Variants in LUZP2 observed in about 807,000 individuals in gnomAD.
The protein encoded by LUZP2 is leucine zipper protein 2.
LUZP2 carries 52 observed loss-of-function variants against 51.6 expected under a neutral mutation model. That is an observed-to-expected ratio of 1.01 (90% CI 0.81 to 1.27). The LOEUF is 1.27. LUZP2 is among the 50% of genes most tolerant of loss of function. The pLI is 0.00. For missense variants in LUZP2, 436 were observed against 395.4 expected (o/e 1.10, Z -0.87); for synonymous variants, 154 against 137.3 (o/e 1.12, Z -0.85).
intron 9 of LUZP2, among the ~76,000 whole-genome samples, chr11:24,995,732 T>A (rs1316558992): frequency 6.6e-6 from 1 of 152,092 alleles, no homozygotes; most frequent in African/African-American, 2.4e-5. Flanking sequence ...TATCTCTGAA[T>A]GCTTTAAATT....
intron 1 of LUZP2, among the ~76,000 whole-genome samples, chr11:24,581,827 G>T (rs1852867027): frequency 6.6e-6 from 1 of 151,994 alleles, no homozygotes; most frequent in Admixed American, 6.6e-5. Context: ...AAAGTTAGCA[G>T]TTATGTGCTA....
intron 1 of LUZP2, among the ~76,000 whole-genome samples, chr11:24,505,952 A>G (rs1850134484): frequency 6.7e-6 from 1 of 149,308 alleles, no homozygotes; most frequent in African/African-American, 2.5e-5. Flanking sequence ...TTATATTTCC[A>G]TATTAATTAT....
rs184456520 is a variant in LUZP2, at chr11:24,788,823, C to T, written c.396+25515C>T. Among the ~76,000 whole-genome samples the T allele has an allele frequency of 3.3e-5, 5 of 152,138 alleles. No homozygotes were observed. In the East Asian group the frequency reaches 9.7e-4, roughly 30 times the overall value. On this transcript the variant is annotated intron_variant, in intron 5 of 11. Coordinates refer to ENST00000336930, the MANE Select transcript of LUZP2 (RefSeq NM_001009909.4). ...TTCCCTCTTGCTCTTGCTCTTGCTC[C>T]AGGAAAGTCTGTCTTTTGTTCTATT...
At chr11:24,665,451 A>G (rs1221179546) in intron 1 of LUZP2, among the ~76,000 whole-genome samples, 1 of 152,128 alleles carries the variant, frequency 6.6e-6, no homozygotes, top group Non-Finnish European at 1.5e-5. Context: ...AAAGGACAGA[A>G]TTGTGTTTTG....
intron 1 of LUZP2, among the ~76,000 whole-genome samples, chr11:24,548,375 C>CA (rs1030458919): frequency 2.6e-5 from 4 of 151,954 alleles, no homozygotes; most frequent in South Asian, 2.1e-4. Flanking sequence ...CAGCCAGCAA[C>CA]AAAAAATGAG....
At chr11:25,041,209 C>G (rs535875138) in intron 9 of LUZP2, among the ~76,000 whole-genome samples, 1 of 152,102 alleles carries the variant, frequency 6.6e-6, no homozygotes, top group Admixed American at 6.6e-5. Context: ...AGTATTGAAT[C>G]CTCTATACGC....
At chr11:24,698,363 T>A (rs1050907288) in intron 1 of LUZP2, among the ~76,000 whole-genome samples, 1 of 152,212 alleles carries the variant, frequency 6.6e-6, no homozygotes, top group Admixed American at 6.5e-5. Context: ...TGCTAGGACC[T>A]TTGTTCCTAA....
chr11:25,035,532 C>G (rs957235797), intron 9 of LUZP2, among the ~76,000 whole-genome samples: 1 of 151,838 alleles, frequency 6.6e-6, no homozygotes, highest in African/African-American at 2.4e-5. Flanking sequence ...GAAAAAAAAC[C>G]AGGTATGACA....
At chr11:24,727,903 A>T (rs752158801) in intron 1 of LUZP2, among the ~76,000 whole-genome samples, 9 of 152,014 alleles carry the variant, frequency 5.9e-5, no homozygotes, top group Non-Finnish European at 1.0e-4. Flanking sequence ...GAACGTATTA[A>T]TCATCACTAA....
intron 9 of LUZP2, among the ~76,000 whole-genome samples, chr11:25,040,845 C>T (rs1858032630): frequency 6.6e-6 from 1 of 152,126 alleles, no homozygotes; most frequent in South Asian, 2.1e-4. Flanking sequence ...TCATTTCATT[C>T]ATCTGCATGA....
chr11:24,936,263 C>T (rs1728763439), intron 7 of LUZP2, among the ~76,000 whole-genome samples: 1 of 152,166 alleles, frequency 6.6e-6, no homozygotes, highest in Admixed American at 6.6e-5. Context: ...CTAGTGACAA[C>T]ACTACCAATT....
intron 5 of LUZP2, among the ~76,000 whole-genome samples, chr11:24,878,691 T>A (rs930881543): frequency 6.6e-6 from 1 of 151,952 alleles, no homozygotes; most frequent in Non-Finnish European, 1.5e-5. Flanking sequence ...GTGCAGAAAG[T>A]ACAGGTTTTT....
At chr11:24,895,901 T>C (rs1298810404) in intron 5 of LUZP2, among the ~76,000 whole-genome samples, 1 of 152,254 alleles carries the variant, frequency 6.6e-6, no homozygotes, top group Non-Finnish European at 1.5e-5. Context: ...TTAAGTTCTT[T>C]GAGAAATCTT....
chr11:24,690,970 TAAC>T (rs1350134483), intron 1 of LUZP2, among the ~76,000 whole-genome samples: 2 of 152,108 alleles, frequency 1.3e-5, no homozygotes, highest in Non-Finnish European at 1.5e-5. Context: ...GTTTTCTGTT[TAAC>T]AACAACATAG....
chr11:24,714,096 G>A (rs1406465055), intron 1 of LUZP2, among the ~76,000 whole-genome samples: 2 of 151,872 alleles, frequency 1.3e-5, no homozygotes, highest in Non-Finnish European at 2.9e-5. Context: ...TTTACACATT[G>A]TATTTTATAT....
intron 9 of LUZP2, among the ~76,000 whole-genome samples, chr11:24,998,471 G>T (rs1406452088): frequency 6.6e-6 from 1 of 152,134 alleles, no homozygotes; most frequent in Non-Finnish European, 1.5e-5. Flanking sequence ...CATTGATTTT[G>T]TATCCTGAGA....
intron 5 of LUZP2, among the ~76,000 whole-genome samples, chr11:24,804,013 A>C (rs1394844692): frequency 6.6e-6 from 1 of 151,706 alleles, no homozygotes; most frequent in Non-Finnish European, 1.5e-5. Flanking sequence ...AAAAAAAAAA[A>C]AACTAGGAAT....
At chr11:24,848,524 C>T (rs1333732480) in intron 5 of LUZP2, among the ~76,000 whole-genome samples, 2 of 152,144 alleles carry the variant, frequency 1.3e-5, no homozygotes, top group East Asian at 1.9e-4. Flanking sequence ...CCCTTGAGCC[C>T]TACTGCCTTT....
At position 25,081,523 on chromosome 11, in the gene LUZP2, A is replaced by G. The variant is rs1476626191; in HGVS notation, c.*2865A>G. ...CTCTTTCAGTAAGTTCTATGACTGT[A>G]CCTTAATGAATGCATTTTATTTATC... On this transcript the variant is annotated 3_prime_UTR_variant, in exon 12 of 12. Coordinates refer to ENST00000336930, the MANE Select transcript of LUZP2 (RefSeq NM_001009909.4). 2.0e-5 allele frequency: 3 copies of G among 152,018 alleles called. No homozygotes were observed. The highest frequency in any genetic ancestry group is 4.4e-5 in the Non-Finnish European group (3 of 67,982). The allele number at this position is 152,018 out of a possible 1,614,324, so 9.4% of individuals were successfully genotyped here. A position where few individuals can be genotyped will look rare whatever the true frequency, so the allele number is the denominator to read the frequency against.
Sources: allele counts gnomAD v4.1 joint callset (sites outside exome capture counted in the v4.1 genomes callset), GRCh38; gene constraint gnomAD v4.1.1; transcripts MANE v1.5; gene names NCBI Gene and HGNC (gene_info 2026-07-23, HGNC 2026-07-21).